The following DLG5 variants were observed in gnomAD, a reference collection of about 807,000 sequenced individuals.
DLG5 encodes the protein discs large MAGUK scaffold protein 5.
Under a neutral mutation model 189.8 loss-of-function variants are expected in DLG5, and 48 were observed. That is an observed-to-expected ratio of 0.25 (90% CI 0.20 to 0.32). The LOEUF (loss-of-function observed/expected upper bound fraction) is 0.32. Ranked by LOEUF, DLG5 falls within the 10% of genes least tolerant of loss-of-function variation. DLG5 has a pLI of 1.00. For synonymous variants in DLG5, 1,016 were observed against 1,054.1 expected, an observed-to-expected ratio of 0.96 and a Z score of 0.70; for missense variants, 2,160 against 2,544.7, an observed-to-expected ratio of 0.85 and a Z score of 3.25.
At position 77,830,851 on chromosome 10, in the gene DLG5, C is replaced by T. The variant is rs1842863423; in HGVS notation, c.1771G>A (p.Glu591Lys). ...ELKEQMESQL[E>K]KEARFRQLMA... is the part of the protein sequence containing the mutation. The stretch of plus-strand genomic sequence containing the variant: ...AGCTGTCGGAACCGGGCCTCCTTTT[C>T]CAACTGGGATTCCATCTGTTCCCTG... Residue 591 changes from glutamate to lysine, a missense_variant, in exon 10 of 32, where the codon GAA becomes AAA. Physicochemically the swap from Glu to Lys is moderately conservative, Grantham distance 56 (BLOSUM62 1). Around this residue, in one of 5 missense-constraint regions of DLG5, gnomAD observed 664 missense variants for 838.5 expected, o/e 0.79. Coordinates refer to ENST00000372391, the MANE Select transcript of DLG5 (RefSeq NM_004747.4). The T allele has an allele frequency of 6.2e-6, 10 of 1,614,124 alleles. No individual in the cohort carries two copies. The Middle Eastern group carries it at 8.2e-4, about 133-fold the overall frequency.
At chr10:77,836,278 G>A (rs1172828276) in intron 7 of DLG5, among the ~76,000 whole-genome samples, 1 of 152,080 alleles carries the variant, frequency 6.6e-6, no homozygotes, top group Non-Finnish European at 1.5e-5. Context: ...AGAGTTATAT[G>A]CTCCACTAAA....
intron 1 of DLG5, among the ~76,000 whole-genome samples, chr10:77,899,001 C>G (rs1845846438): frequency 6.6e-6 from 1 of 152,234 alleles, no homozygotes. Context: ...ACCTGCCACT[C>G]TCCACGTACT....
At chr10:77,873,917 AG>A (rs1169016837) in intron 1 of DLG5, among the ~76,000 whole-genome samples, 1 of 152,238 alleles carries the variant, frequency 6.6e-6, no homozygotes, top group Non-Finnish European at 1.5e-5. Flanking sequence ...AAGACAGAGC[AG>A]GAAGTGCTGC....
At chr10:77,853,060 A>T (rs987617030) in intron 5 of DLG5, among the ~76,000 whole-genome samples, 1 of 151,990 alleles carries the variant, frequency 6.6e-6, no homozygotes, top group Non-Finnish European at 1.5e-5. Context: ...ATAGCTCACT[A>T]TAACCTCAGA....
chr10:77,843,006 T>C (rs1843501963), intron 6 of DLG5, among the ~76,000 whole-genome samples: 1 of 152,178 alleles, frequency 6.6e-6, no homozygotes, highest in Non-Finnish European at 1.5e-5. Flanking sequence ...TGAGGGCATA[T>C]ATCACATCTC....
chr10:77,863,197 T>A (rs1355679981), intron 2 of DLG5, among the ~76,000 whole-genome samples: 1 of 151,978 alleles, frequency 6.6e-6, no homozygotes, highest in African/African-American at 2.4e-5. Context: ...GCTCAAGCAA[T>A]CCTCCCACCT....
At chr10:77,898,918 G>C (rs1363282480) in intron 1 of DLG5, among the ~76,000 whole-genome samples, 2 of 152,208 alleles carry the variant, frequency 1.3e-5, no homozygotes, top group African/African-American at 4.8e-5. Context: ...ACCCAGATGC[G>C]GCAAAGAGGT....
At chr10:77,807,631 A>G (rs986205616) in intron 25 of DLG5, among the ~76,000 whole-genome samples, 165 bp downstream of exon 25, 14 of 152,220 alleles carry the variant, frequency 9.2e-5, no homozygotes, top group Non-Finnish European at 7.3e-5. Context: ...CTAAGTCACA[A>G]TCATCTCAAC....
chr10:77,886,307 A>G (rs1845436574), intron 1 of DLG5, among the ~76,000 whole-genome samples: 1 of 151,218 alleles, frequency 6.6e-6, no homozygotes, highest in South Asian at 2.1e-4. Context: ...GAACACTGCC[A>G]CTGACCCTCA....
intron 1 of DLG5, among the ~76,000 whole-genome samples, chr10:77,914,131 A>G (rs949702955): frequency 1.5e-5 from 2 of 131,478 alleles, no homozygotes; most frequent in African/African-American, 5.3e-5. Context: ...TTTGGAACTG[A>G]ACTCACAGGT....
At chr10:77,856,253 G>A (rs369668143) in intron 3 of DLG5, among the ~76,000 whole-genome samples, 1 of 152,168 alleles carries the variant, frequency 6.6e-6, no homozygotes, top group Admixed American at 6.5e-5. Flanking sequence ...TTGGAAGGCT[G>A]AGGTGGGAGG....
Position 77,814,412 on chromosome 10 carries a change from A to C in DLG5, c.4026-2035T>G, listed in dbSNP as rs920859997. 1.2e-4 allele frequency among the ~76,000 whole-genome samples: 18 copies of C among 147,128 alleles called. No individual in the cohort carries two copies. The East Asian group carries it at 2.8e-3, about 23-fold the overall frequency. ...CTTAAACTATTAAAAATAGCTAAAAACATAATATTAAGGGAGATTTGATTA... is the reference window on the plus strand; with the variant it reads ...CTTAAACTATTAAAAATAGCTAAAACCATAATATTAAGGGAGATTTGATTA... On this transcript the variant is annotated intron_variant, in intron 20 of 31. Transcript: ENST00000372391.
At chr10:77,817,939 T>C (rs1424943558) in intron 17 of DLG5, 50 bp from the exon 18 acceptor site, 3 of 1,447,808 alleles carry the variant, frequency 2.1e-6, no homozygotes, top group African/African-American at 2.8e-5. Context: ...CAGGAACAGA[T>C]GTGGCCACTG....
intron 1 of DLG5, among the ~76,000 whole-genome samples, chr10:77,888,059 A>G (rs751288118): frequency 2.0e-5 from 3 of 152,212 alleles, no homozygotes; most frequent in African/African-American, 4.8e-5. Context: ...ACTGTCAGAC[A>G]GGATTTTGTG....
chr10:77,884,478 A>G (rs1247496607), intron 1 of DLG5, among the ~76,000 whole-genome samples: 2 of 152,022 alleles, frequency 1.3e-5, no homozygotes, highest in Admixed American at 1.3e-4. Flanking sequence ...GTCGGGCAAG[A>G]GTATCTCATC....
intron 6 of DLG5, 91 bp from the exon 7 acceptor site, chr10:77,842,284 G>A: frequency 2.1e-6 from 3 of 1,454,770 alleles, no homozygotes; most frequent in Non-Finnish European, 2.8e-6. Context: ...GCTCTACTGT[G>A]CTGGACAGTC....
In DLG5 at chr10:77,842,192, A is replaced by G. The variant is rs1321974747; in HGVS notation, c.1126T>C (p.Phe376Leu). Reference sequence around the variant, plus strand: ...TTCAGCTCATGGTGGATCGCCTCAAACCTGGCAAGAGAGGTGGCGAGATGT... The same window carrying G: ...TTCAGCTCATGGTGGATCGCCTCAAGCCTGGCAAGAGAGGTGGCGAGATGT... ...QHQCALSLRR[F>L]EAIHHELNKA... is the part of the protein sequence containing the mutation. The change falls in exon 7 of 32, where the codon TTT becomes CTT. Residue 376 changes from phenylalanine (F) to leucine (L), a missense_variant and splice_region_variant. Phe to Leu is a conservative substitution (Grantham distance 22). This residue lies in a region of DLG5 where 664 missense variants were observed against 838.5 expected (regional missense o/e 0.79). Transcript: ENST00000372391. The G allele has an allele frequency of 5.0e-6, 8 of 1,599,856 alleles. No individual in the cohort carries two copies. The East Asian group carries it at 1.8e-4, about 36-fold the overall frequency.
chr10:77,922,502 A>C (rs1846565175), intron 1 of DLG5, among the ~76,000 whole-genome samples: 1 of 152,192 alleles, frequency 6.6e-6, no homozygotes, highest in Non-Finnish European at 1.5e-5. Context: ...AATCCGGGAC[A>C]AAAGAAAGCT....
intron 4 of DLG5, among the ~76,000 whole-genome samples, chr10:77,853,989 T>C (rs1043922438): frequency 6.6e-6 from 1 of 152,198 alleles, no homozygotes; most frequent in African/African-American, 2.4e-5. Context: ...TCTGAATCAC[T>C]TTCATGCCTG....
Sources: gnomAD v4.1 joint callset for allele counts (sites outside exome capture counted in the v4.1 genomes callset) on GRCh38, gnomAD v4.1.1 for gene constraint, gnomAD v4.1.1 regional missense constraint, MANE v1.5 for transcripts, NCBI Gene and HGNC (gene_info 2026-07-23, HGNC 2026-07-21) for gene names.